Variants in LENG1 observed in about 807,000 individuals in gnomAD.
LENG1 encodes the protein leukocyte receptor cluster (LRC) member 1.
LENG1 carries 35 observed loss-of-function variants against 28.8 expected under a neutral mutation model. That is an observed-to-expected ratio of 1.22 (90% confidence interval 0.93 to 1.61). LENG1 has a LOEUF of 1.61. LENG1 is among the 40% of genes most tolerant of loss of function. LENG1 has a pLI of 0.00. For synonymous variants in LENG1, 170 were observed against 140.6 expected, an observed-to-expected ratio of 1.21 and a Z score of -1.48; for missense variants, 404 against 348.9, an observed-to-expected ratio of 1.16 and a Z score of -1.26.
chr19:54,158,515 T>C (rs1279834610), intron 1 of LENG1, 54 bp from the exon 2 acceptor site: 1 of 1,544,006 alleles, frequency 6.5e-7, no homozygotes, highest in Non-Finnish European at 8.9e-7. Flanking sequence ...ATTCAAGAAC[T>C]GTGAGTCTGG....
chr19:54,157,049 A>AGATGT (rs1300879448), intron 2 of LENG1, 24 bp from the exon 3 acceptor site: 2 of 1,505,316 alleles, frequency 1.3e-6, no homozygotes, highest in African/African-American at 2.8e-5. Context: ...GAAATACAAG[A>AGATGT]GATGTGATAT....
At chr19:54,156,682 G>A in intron 3 of LENG1, 81 bp downstream of exon 3, 1 of 1,434,290 alleles carries the variant, frequency 7.0e-7, no homozygotes, top group South Asian at 1.4e-5. Context: ...GTCCTGACCA[G>A]AGACGCTGCA....
chr19:54,155,540 G>A lies in LENG1; in HGVS notation c.*181C>T. ...CCCCCTCTCCCAGGAAGCAGGGAGG[G>A]GGCCGGGAGGTTTTCCTCTCAGCCC... On this transcript the variant is annotated 3_prime_UTR_variant, in exon 4 of 4. Coordinates refer to ENST00000222224, the MANE Select transcript of LENG1 (RefSeq NM_024316.3). 5.5e-6 allele frequency: 5 copies of A among 906,344 alleles called. No individual in the cohort carries two copies. 56.1% of individuals were successfully genotyped at this position (906,344 alleles called of 1,614,324 possible).
chr19:54,157,001 T>C lies in LENG1; in HGVS notation c.337A>G (p.Ile113Val), dbSNP rs1308731457. ...GCACTCTGGCCCAGGTATGTCAGGA[T>C]GCCCAGAGCTTTCTCTTGCCTCTCC... ...EKERQEKALG[I>V]LTYLGQSAAE... The change falls in exon 3 of 4, where the codon ATC (isoleucine) becomes GTC (valine). Residue 113 changes from isoleucine (I) to valine (V), a missense_variant. Ile to Val is a conservative substitution (Grantham distance 29). Transcript: ENST00000222224. 5.1e-6 allele frequency: 8 copies of C among 1,556,742 alleles called. No homozygotes were observed. In the East Asian group the frequency reaches 1.8e-4, roughly 35 times the overall value.
At chr19:54,159,296 G>A (rs553604145) in intron 1 of LENG1, among the ~76,000 whole-genome samples, 1 of 152,366 alleles carries the variant, frequency 6.6e-6, no homozygotes, top group African/African-American at 2.4e-5. Context: ...TTCATTAAAT[G>A]TTAAGCTTCT....
In LENG1 at chr19:54,156,930, C is replaced by T. The variant is rs778784475; in HGVS notation, c.408G>A (p.Gly136=). The change falls in exon 3 of 4, where the codon GGG becomes GGA. Residue 136 remains glycine (G), a synonymous_variant. Transcript: ENST00000222224. ...CTGGGCCGGGCGGGGGGCCCCCTCG[C>T]CCTGGGGGTAGCTGGTACCAAGGGG... ...TQPPWYQLPP[G]RGGPPPGPAP... The T allele has an allele frequency of 1.2e-6, 2 of 1,613,196 alleles. No homozygotes were observed. Among genetic ancestry groups the T allele is most frequent in the East Asian group, 4.5e-5 (2 of 44,880 alleles).
chr19:54,157,100 T>G, intron 2 of LENG1, 75 bp from the exon 3 acceptor site: 1 of 1,253,408 alleles, frequency 8.0e-7, no homozygotes, highest in Non-Finnish European at 1.1e-6. Context: ...GACACAGGTA[T>G]CTAAGCGAAC....
At chr19:54,159,272 C>T (rs958744520) in intron 1 of LENG1, among the ~76,000 whole-genome samples, 5 of 152,236 alleles carry the variant, frequency 3.3e-5, no homozygotes, top group Non-Finnish European at 7.3e-5. Flanking sequence ...TTGAACTGTC[C>T]AAGGGTTCAC....
At chr19:54,158,164 G>A in intron 2 of LENG1, 118 bp downstream of exon 2, 1 of 943,850 alleles carries the variant, frequency 1.1e-6, no homozygotes, top group Non-Finnish European at 1.6e-6. Context: ...GCCTTGGTAT[G>A]GTCCTAAATT....
chr19:54,156,679 C>T, intron 3 of LENG1, 84 bp downstream of exon 3: 1 of 1,423,916 alleles, frequency 7.0e-7, no homozygotes, highest in East Asian at 2.3e-5. Context: ...GCTGTCCTGA[C>T]CAGAGACGCT....
rs1568698769 is a variant in LENG1 at position 54,155,306 on chromosome 19, C to T, written c.*415G>A. The T allele has an allele frequency of 6.2e-7, 1 of 1,613,200 alleles. No homozygotes were observed. The highest frequency in any genetic ancestry group is 8.5e-7 in the Non-Finnish European group (1 of 1,179,626). On this transcript the variant is annotated 3_prime_UTR_variant, in exon 4 of 4. Transcript: ENST00000222224. ...CTCACTGACCGCCTTCTCCCCCGGCCAGGGCACCTACATCTACTTTGACTA... is the reference window on the plus strand; with the variant it reads ...CTCACTGACCGCCTTCTCCCCCGGCTAGGGCACCTACATCTACTTTGACTA...
At position 54,156,899 on chromosome 19, in the gene LENG1, C is replaced by T; in HGVS notation, c.439G>A (p.Asp147Asn). 1.4e-6 allele frequency: 1 copy of T among 718,832 alleles called. No homozygotes were observed. The highest frequency in any genetic ancestry group is 2.4e-6 in the Non-Finnish European group (1 of 419,926). The allele number at this position is 718,832 out of a possible 1,614,324, so 44.5% of individuals were successfully genotyped here. A position where few individuals can be genotyped will look rare whatever the true frequency, so the allele number is the denominator to read the frequency against. The change falls in exon 3 of 4, where the codon GAT becomes AAT. Residue 147 changes from aspartate to asparagine, a missense_variant. Coordinates refer to ENST00000222224, the MANE Select transcript of LENG1 (RefSeq NM_024316.3). ...TCCAGACGGCTCTTGATCTTCTCATCTGGGGCTGGGCCGGGCGGGGGGCCC... is the reference window on the plus strand; with the variant it reads ...TCCAGACGGCTCTTGATCTTCTCATTTGGGGCTGGGCCGGGCGGGGGGCCC... ...RGGPPPGPAP[D>N]EKIKSRLDPL...
chr19:54,156,626 G>T, intron 3 of LENG1, 137 bp downstream of exon 3: 1 of 913,934 alleles, frequency 1.1e-6, no homozygotes. Flanking sequence ...ACCACATGCT[G>T]AGAACCACTT....
Position 54,155,429 on chromosome 19 carries a change from A to T in LENG1, c.*292T>A. ...GTGACACCGGCCCCTCCCTCTACCC[A>T]CCCCCTTCCCCCGCATGCTGATCCC... On this transcript the variant is annotated 3_prime_UTR_variant, in exon 4 of 4. Transcript: ENST00000222224. The T allele has an allele frequency of 7.4e-7, 1 of 1,360,302 alleles. No homozygotes were observed. Among genetic ancestry groups the T allele is most frequent in the Non-Finnish European group, 1.0e-6 (1 of 988,686 alleles). The allele number at this position is 1,360,302 out of a possible 1,614,324, so 84.3% of individuals were successfully genotyped here.
In LENG1 at chr19:54,155,481, G is replaced by T; in HGVS notation, c.*240C>A. On this transcript the variant is annotated 3_prime_UTR_variant, in exon 4 of 4. Coordinates refer to ENST00000222224, the MANE Select transcript of LENG1 (RefSeq NM_024316.3). Reference sequence around the variant, plus strand: ...CTGCCCAGGTGAGGGCCCTGCCCTGGAAGACTGGAGGGAGGCCCCAAGCCA... The same window carrying T: ...CTGCCCAGGTGAGGGCCCTGCCCTGTAAGACTGGAGGGAGGCCCCAAGCCA... 1 of 1,089,536 alleles carries T rather than the reference G, an allele frequency of 9.2e-7. No homozygotes were observed. Among genetic ancestry groups the T allele is most frequent in the Admixed American group, 2.3e-5 (1 of 43,766 alleles). The allele number at this position is 1,089,536 out of a possible 1,614,324, so 67.5% of individuals were successfully genotyped here. A position where few individuals can be genotyped will look rare whatever the true frequency, so the allele number is the denominator to read the frequency against.
chr19:54,156,049 ACCCCAG>A, intron 3 of LENG1, 109 bp from the exon 4 acceptor site: 2 of 979,230 alleles, frequency 2.0e-6, no homozygotes, highest in Non-Finnish European at 3.0e-6. Context: ...CATCCAGCAC[ACCCCAG>A]CCTCAGCTCC....
chr19:54,156,064 C>G, intron 3 of LENG1, 124 bp from the exon 4 acceptor site: 2 of 833,892 alleles, frequency 2.4e-6, no homozygotes, highest in Non-Finnish European at 3.7e-6. Flanking sequence ...AGCCTCAGCT[C>G]CTTAGGCCTG....
intron 1 of LENG1, 103 bp downstream of exon 1, chr19:54,159,461 C>T (rs1216961213): frequency 2.4e-6 from 3 of 1,255,722 alleles, no homozygotes; most frequent in East Asian, 2.7e-5. Context: ...CCGAATTTCA[C>T]ACGGGGCACA....
intron 2 of LENG1, 141 bp from the exon 3 acceptor site, chr19:54,157,166 A>G: frequency 3.3e-6 from 2 of 614,352 alleles, no homozygotes; most frequent in Middle Eastern, 4.5e-4. Flanking sequence ...ATGGAAGACA[A>G]ACAGAGGCAA....
Sources: gnomAD v4.1 joint callset for allele counts (sites outside exome capture counted in the v4.1 genomes callset) on GRCh38, gnomAD v4.1.1 for gene constraint, MANE v1.5 for transcripts, NCBI Gene and HGNC (gene_info 2026-07-23, HGNC 2026-07-21) for gene names.